Variants in LDLRAD4 observed in about 807,000 individuals in gnomAD.
LDLRAD4 encodes low-density lipoprotein receptor class A domain-containing protein 4.
In LDLRAD4, 5 loss-of-function variants were observed where a neutral mutation model predicts 17.0. That is an observed-to-expected ratio of 0.29 (90% CI 0.15 to 0.62). The LOEUF is 0.62. Among genes scored for constraint, LDLRAD4 ranks in the 20% least tolerant of loss-of-function variants. LDLRAD4 has a pLI of 0.84. For missense variants in LDLRAD4, 340 were observed against 424.7 expected, an observed-to-expected ratio of 0.80 and a Z score of 1.75; for synonymous variants, 168 against 171.8, an observed-to-expected ratio of 0.98 and a Z score of 0.17.
chr18:13,494,896 C>G (rs994966232), intron 3 of LDLRAD4, among the ~76,000 whole-genome samples: 1 of 149,622 alleles, frequency 6.7e-6, no homozygotes, highest in Non-Finnish European at 1.5e-5. Context: ...GCCGCTTTTT[C>G]CTGTTGTTAC....
At chr18:13,516,225 A>G (rs996776917) in intron 3 of LDLRAD4, 6 of 152,260 alleles carry the variant, frequency 3.9e-5, no homozygotes, top group African/African-American at 7.2e-5. Flanking sequence ...CCCTACACCC[A>G]AAATTGAATG....
At chr18:13,415,719 A>G (rs1169131589) in intron 2 of LDLRAD4, among the ~76,000 whole-genome samples, 1 of 152,190 alleles carries the variant, frequency 6.6e-6, no homozygotes, top group Non-Finnish European at 1.5e-5. Flanking sequence ...CGCCATATCC[A>G]TCTTTCCCAC....
At chr18:13,582,143 G>T (rs1032948652) in intron 3 of LDLRAD4, among the ~76,000 whole-genome samples, 1 of 152,156 alleles carries the variant, frequency 6.6e-6, no homozygotes, top group South Asian at 2.1e-4. Flanking sequence ...ACTAAAATGG[G>T]CATAGTGATT....
At chr18:13,397,242 C>T (rs1233665842) in intron 2 of LDLRAD4, among the ~76,000 whole-genome samples, 1 of 152,164 alleles carries the variant, frequency 6.6e-6, no homozygotes, top group Non-Finnish European at 1.5e-5. Context: ...CTGCCTGGTT[C>T]ATGCCATTCT....
intron 2 of LDLRAD4, among the ~76,000 whole-genome samples, chr18:13,408,863 T>C (rs2088046668): frequency 6.6e-6 from 1 of 152,206 alleles, no homozygotes; most frequent in Non-Finnish European, 1.5e-5. Flanking sequence ...TTTTCTTCCT[T>C]CTTTTTTTGC....
intron 1 of LDLRAD4, among the ~76,000 whole-genome samples, chr18:13,334,729 A>G (rs2082024413): frequency 6.6e-6 from 1 of 152,042 alleles, no homozygotes; most frequent in Non-Finnish European, 1.5e-5. Flanking sequence ...GGCTTATAGT[A>G]CAATCTTGAA....
At chr18:13,221,144 A>G (rs1425800006) in intron 1 of LDLRAD4, among the ~76,000 whole-genome samples, 1 of 152,234 alleles carries the variant, frequency 6.6e-6, no homozygotes, top group Non-Finnish European at 1.5e-5. Flanking sequence ...TTATCCCTCA[A>G]GAAGTGATAA....
intron 4 of LDLRAD4, among the ~76,000 whole-genome samples, chr18:13,639,510 G>T (rs965074362): frequency 6.6e-6 from 1 of 152,226 alleles, no homozygotes; most frequent in African/African-American, 2.4e-5. Context: ...TGACAGCCTT[G>T]GTGGAATGAC....
At chr18:13,378,134 G>A (rs950113118) in intron 1 of LDLRAD4, among the ~76,000 whole-genome samples, 1 of 152,186 alleles carries the variant, frequency 6.6e-6, no homozygotes, top group African/African-American at 2.4e-5. Flanking sequence ...GACTCTGATC[G>A]TTCATTTCTG....
intron 1 of LDLRAD4, among the ~76,000 whole-genome samples, chr18:13,386,378 T>A (rs1158624037): frequency 1.3e-5 from 2 of 152,170 alleles, no homozygotes; most frequent in African/African-American, 4.8e-5. Flanking sequence ...ATTCTATTTT[T>A]TTTTTTTGAG....
chr18:13,508,742 GTC>G (rs2093733506), intron 3 of LDLRAD4, among the ~76,000 whole-genome samples: 1 of 152,128 alleles, frequency 6.6e-6, no homozygotes, highest in South Asian at 2.1e-4. Flanking sequence ...AATGCACCTG[GTC>G]ACCAAGAGCT....
chr18:13,220,153 T>C (rs766535268), intron 1 of LDLRAD4, among the ~76,000 whole-genome samples: 4 of 152,260 alleles, frequency 2.6e-5, no homozygotes, highest in Non-Finnish European at 4.4e-5. Flanking sequence ...AACTTCCTTA[T>C]GATCTTTGAA....
chr18:13,641,835 A>G (rs1310504053), intron 4 of LDLRAD4: 2 of 985,514 alleles, frequency 2.0e-6, no homozygotes, highest in East Asian at 1.1e-4. Context: ...TTTTCGGGAA[A>G]TAAGGCCACT....
At chr18:13,390,014 G>C (rs1192618759) in intron 2 of LDLRAD4, among the ~76,000 whole-genome samples, 4 of 152,112 alleles carry the variant, frequency 2.6e-5, no homozygotes, top group Admixed American at 6.5e-5. Flanking sequence ...ATGAATAAAA[G>C]CTTTCTATAT....
At chr18:13,508,088 T>C (rs2093722793) in intron 3 of LDLRAD4, among the ~76,000 whole-genome samples, 2 of 149,268 alleles carry the variant, frequency 1.3e-5, no homozygotes, top group African/African-American at 5.2e-5. Flanking sequence ...GAAGAAAGTT[T>C]AAGTGGTCTG....
chr18:13,630,067 C>CCT (rs33989034), intron 4 of LDLRAD4, among the ~76,000 whole-genome samples: 3,926 of 152,288 alleles, frequency 0.026, 155 homozygotes, highest in African/African-American at 0.089. Context: ...TCTTGAAGTC[C>CCT]GATTGCTCAC....
At chr18:13,543,973 G>T (rs2094322786) in intron 3 of LDLRAD4, among the ~76,000 whole-genome samples, 1 of 152,344 alleles carries the variant, frequency 6.6e-6, no homozygotes, top group Middle Eastern at 3.4e-3. Context: ...GACGAGGCCT[G>T]CCCCGAACGT....
At chr18:13,611,372 G>A (rs985593111) in intron 3 of LDLRAD4, 6 of 666,396 alleles carry the variant, frequency 9.0e-6, no homozygotes, top group South Asian at 6.7e-5. Context: ...TATTTGCAGC[G>A]TTACCATGGC....
At chr18:13,475,075 T>A (rs771577750) in intron 3 of LDLRAD4, among the ~76,000 whole-genome samples, 2 of 152,154 alleles carry the variant, frequency 1.3e-5, no homozygotes, top group Non-Finnish European at 2.9e-5. Flanking sequence ...CTTAGTCACA[T>A]CCAGTGTTGA....
Sources: gnomAD v4.1 joint callset for allele counts (sites outside exome capture counted in the v4.1 genomes callset) on GRCh38, gnomAD v4.1.1 for gene constraint, MANE v1.5 for transcripts, NCBI Gene and HGNC (gene_info 2026-07-23, HGNC 2026-07-21) for gene names.